The following FAM20B variants were observed in gnomAD, a reference collection of about 807,000 sequenced individuals.
FAM20B encodes the protein FAM20B glycosaminoglycan xylosylkinase, also known as glycosaminoglycan xylosylkinase.
A neutral mutation model predicts 43.8 loss-of-function variants in FAM20B; 23 were observed. That is an observed-to-expected ratio of 0.53 (90% CI 0.38 to 0.74). The LOEUF (loss-of-function observed/expected upper bound fraction) is 0.74, where lower values mean the gene tolerates loss of function less well. FAM20B is among the 30% of genes least tolerant of loss of function. FAM20B has a pLI of 0.00. For synonymous variants in FAM20B, 178 were observed against 192.4 expected (o/e 0.93, Z 0.62); for missense variants, 440 against 510.5 (o/e 0.86, Z 1.33).
chr1:179,058,203 T>G (rs1651308910), intron 4 of FAM20B, among the ~76,000 whole-genome samples: 1 of 152,242 alleles, frequency 6.6e-6, no homozygotes, highest in African/African-American at 2.4e-5. Context: ...TAGTCACTAC[T>G]GTGATTTCAA....
At chr1:179,061,688 T>C (rs1220407718) in intron 4 of FAM20B, among the ~76,000 whole-genome samples, 3 of 152,176 alleles carry the variant, frequency 2.0e-5, no homozygotes, top group African/African-American at 7.2e-5. Flanking sequence ...GGATTACAGA[T>C]GTGAGCCACA....
At chr1:179,046,425 C>T (rs763216010) in intron 2 of FAM20B, among the ~76,000 whole-genome samples, 32 of 152,052 alleles carry the variant, frequency 2.1e-4, no homozygotes, top group Non-Finnish European at 3.2e-4. Flanking sequence ...CCAAGGTGGG[C>T]GGATCACTTG....
chr1:179,046,785 CT>C lies in FAM20B; in HGVS notation c.377+2562del, dbSNP rs540462496. Among the ~76,000 whole-genome samples the C allele has an allele frequency of 6.6e-5, 10 of 151,292 alleles. No individual in the cohort carries two copies. In the South Asian group the frequency reaches 2.1e-3, roughly 32 times the overall value. ...TGGGAGGCCGAGGCGGGCGGATCACCTGAGGTCAGGAGTTCGAGACCAGCCT... is the reference window on the plus strand; with the variant it reads ...TGGGAGGCCGAGGCGGGCGGATCACCGAGGTCAGGAGTTCGAGACCAGCCT... On this transcript the variant is annotated intron_variant, in intron 2 of 7. Coordinates refer to ENST00000263733, the MANE Select transcript of FAM20B (RefSeq NM_014864.4).
chr1:179,046,787 G>C lies in FAM20B; in HGVS notation c.377+2563G>C, dbSNP rs559678919. Among the ~76,000 whole-genome samples, 7 of 152,174 alleles carry C rather than the reference G, an allele frequency of 4.6e-5. No homozygotes were observed. The East Asian group carries it at 1.2e-3, about 25-fold the overall frequency. On this transcript the variant is annotated intron_variant, in intron 2 of 7. Transcript: ENST00000263733. The stretch of plus-strand genomic sequence containing the variant: ...GGAGGCCGAGGCGGGCGGATCACCT[G>C]AGGTCAGGAGTTCGAGACCAGCCTG...
At chr1:179,037,151 G>T (rs1478302862) in intron 1 of FAM20B, among the ~76,000 whole-genome samples, 1 of 152,180 alleles carries the variant, frequency 6.6e-6, no homozygotes, top group Non-Finnish European at 1.5e-5. Context: ...TTTGAAAAAT[G>T]ATTTTGGCTG....
intron 1 of FAM20B, among the ~76,000 whole-genome samples, chr1:179,038,280 G>A (rs1297900070): frequency 6.6e-6 from 1 of 151,926 alleles, no homozygotes; most frequent in East Asian, 1.9e-4. Context: ...GCGTGGTGGC[G>A]CATGCCTGTA....
chr1:179,072,136 CA>C lies in FAM20B; in HGVS notation c.1223del (p.His408ProfsTer53), dbSNP rs1421235458. On this transcript the variant is annotated frameshift_variant, in exon 8 of 8. Transcript: ENST00000263733. LOFTEE classifies it high-confidence loss of function. Reference sequence around the variant, plus strand: ...GGTGGAAGACAGGATGCCTCTCTCACACTTGTAATTCTCGACACAAAATAAG... The same window carrying C: ...GGTGGAAGACAGGATGCCTCTCTCACCTTGTAATTCTCGACACAAAATAAG... ...VLVEDRMPLS[H>X]L is the part of the protein sequence containing the mutation. The C allele has an allele frequency of 6.2e-7, 1 of 1,608,698 alleles. No homozygotes were observed. The highest frequency in any genetic ancestry group is 8.5e-7 in the Non-Finnish European group (1 of 1,175,960).
chr1:179,071,053 G>T (rs994021830), intron 7 of FAM20B, among the ~76,000 whole-genome samples: 4 of 151,812 alleles, frequency 2.6e-5, no homozygotes, highest in Non-Finnish European at 4.4e-5. Context: ...CCAGCACTTT[G>T]GGAGGCCGAG....
intron 6 of FAM20B, among the ~76,000 whole-genome samples, chr1:179,066,253 A>G (rs895630024): frequency 2.0e-5 from 3 of 152,184 alleles, no homozygotes; most frequent in African/African-American, 7.2e-5. Flanking sequence ...AATTGCTGCT[A>G]AGGTAATTTT....
chr1:179,035,481 G>C (rs1207613895), intron 1 of FAM20B: 2 of 694,866 alleles, frequency 2.9e-6, no homozygotes, highest in Non-Finnish European at 5.3e-6. Flanking sequence ...AGGCATTGAA[G>C]ACGCTGCTTC....
At chr1:179,029,061 A>C (rs1019094482) in intron 1 of FAM20B, among the ~76,000 whole-genome samples, 1 of 152,220 alleles carries the variant, frequency 6.6e-6, no homozygotes, top group Non-Finnish European at 1.5e-5. Flanking sequence ...TTGCTCCTAC[A>C]GTCTGTTCTG....
Position 179,075,779 on chromosome 1 carries a change from A to C in FAM20B, c.*3635A>C, listed in dbSNP as rs557869449. On this transcript the variant is annotated 3_prime_UTR_variant, in exon 8 of 8. Coordinates refer to ENST00000263733, the MANE Select transcript of FAM20B (RefSeq NM_014864.4). Reference sequence around the variant, plus strand: ...AATCGATCTTTTTTTTCTAAAAAAAAAAAATGCTTTTGCCTTCCCTTCCCT... The same window carrying C: ...AATCGATCTTTTTTTTCTAAAAAAACAAAATGCTTTTGCCTTCCCTTCCCT... 5.9e-5 allele frequency: 9 copies of C among 152,366 alleles called. No homozygotes were observed. The highest frequency in any genetic ancestry group is 3.3e-4 in the Admixed American group (5 of 15,272). 9.4% of individuals were successfully genotyped at this position (152,366 alleles called of 1,614,324 possible).
At chr1:179,035,467 A>G (rs78109100) in intron 1 of FAM20B, 43,424 of 703,650 alleles carry the variant, frequency 0.062, 1,692 homozygotes, top group African/African-American at 0.1. Flanking sequence ...CTTGGGAAGC[A>G]CATAGGCATT....
upstream of FAM20B, among the ~76,000 whole-genome samples, chr1:179,023,575 G>C (rs75825821): frequency 0.03 from 4,626 of 152,282 alleles, 171 homozygotes; most frequent in African/African-American, 0.083. Flanking sequence ...CTGGCACTTG[G>C]TAGACATTCA....
upstream of FAM20B, among the ~76,000 whole-genome samples, chr1:179,022,943 C>G (rs565041900): frequency 5.7e-4 from 87 of 152,308 alleles, 2 homozygotes; most frequent in Middle Eastern, 6.8e-3. Context: ...AACATTTTTA[C>G]AGGTGGGAGT....
rs1233405118 is a variant in FAM20B, at chr1:179,072,352, G to A, written c.*208G>A. ...AGCATGGAGACATTCCTGCTGAATC[G>A]CCTTCTCACCTCCTCGGCAATTGCT... On this transcript the variant is annotated 3_prime_UTR_variant, in exon 8 of 8. Coordinates refer to ENST00000263733, the MANE Select transcript of FAM20B (RefSeq NM_014864.4). 1.1e-5 allele frequency: 6 copies of A among 565,524 alleles called. No individual in the cohort carries two copies. Among genetic ancestry groups the A allele is most frequent in the Admixed American group, 3.1e-5 (1 of 32,576 alleles). The allele number at this position is 565,524 out of a possible 1,614,324, so 35.0% of individuals were successfully genotyped here.
At chr1:179,020,937 G>A (rs1303249107), upstream of FAM20B, among the ~76,000 whole-genome samples, 1 of 152,210 alleles carries the variant, frequency 6.6e-6, no homozygotes, top group Non-Finnish European at 1.5e-5. Context: ...CAGGCATGGT[G>A]GCGCACGCCT....
At chr1:179,043,213 G>A (rs1300412395) in intron 1 of FAM20B, among the ~76,000 whole-genome samples, 1 of 152,236 alleles carries the variant, frequency 6.6e-6, no homozygotes, top group Admixed American at 6.5e-5. Flanking sequence ...GAGACAGCAG[G>A]GGCCTGGTGT....
Position 179,044,070 on chromosome 1 carries a change from G to A in FAM20B, c.223G>A (p.Glu75Lys). ...EIAAQWVVPR[E>K]VYPEETPELG... ...TGCAGCCCAGTGGGTGGTTCCCCGGGAAGTGTACCCTGAAGAGACACCAGA... is the reference window on the plus strand; with the variant it reads ...TGCAGCCCAGTGGGTGGTTCCCCGGAAAGTGTACCCTGAAGAGACACCAGA... The change falls in exon 2 of 8, where the codon GAA becomes AAA. Residue 75 changes from glutamate (E) to lysine (K), a missense_variant. Glu to Lys is a moderately conservative substitution (Grantham distance 56, BLOSUM62 1). Coordinates refer to ENST00000263733, the MANE Select transcript of FAM20B (RefSeq NM_014864.4). 1 of 1,614,114 alleles carries A rather than the reference G, an allele frequency of 6.2e-7. No individual in the cohort carries two copies.
Sources: gnomAD v4.1 joint callset for allele counts (sites outside exome capture counted in the v4.1 genomes callset) on GRCh38, gnomAD v4.1.1 for gene constraint, MANE v1.5 for transcripts, NCBI Gene and HGNC (gene_info 2026-07-23, HGNC 2026-07-21) for gene names.